Variants in STK32B observed in about 807,000 individuals in gnomAD.
STK32B encodes serine/threonine-protein kinase 32B.
Under a neutral mutation model 52.6 loss-of-function variants are expected in STK32B, and 43 were observed. The observed-to-expected ratio is 0.82, with a 90% CI of 0.64 to 1.05. The LOEUF (loss-of-function observed/expected upper bound fraction) is 1.05, where lower values mean the gene tolerates loss of function less well. Among genes scored for constraint, STK32B ranks in the 50% least tolerant of loss-of-function variants. The pLI, the probability that STK32B is intolerant of heterozygous loss-of-function variation, is 0.00. For synonymous variants in STK32B, 238 were observed against 204.3 expected (o/e 1.17, Z -1.41); for missense variants, 621 against 534.6 (o/e 1.16, Z -1.59).
At chr4:5,062,919 G>A (rs908097434) in intron 1 of STK32B, among the ~76,000 whole-genome samples, 2 of 152,198 alleles carry the variant, frequency 1.3e-5, no homozygotes, top group African/African-American at 4.8e-5. Flanking sequence ...TTGCTGCTGT[G>A]AGTAGCTGCC....
chr4:5,222,400 T>C (rs1409318201), intron 3 of STK32B, among the ~76,000 whole-genome samples: 2 of 152,116 alleles, frequency 1.3e-5, no homozygotes, highest in Non-Finnish European at 2.9e-5. Flanking sequence ...GGGCTCAGAA[T>C]AAGAGAAAAA....
chr4:5,368,124 C>G (rs1424247372), intron 4 of STK32B, among the ~76,000 whole-genome samples: 1 of 151,934 alleles, frequency 6.6e-6, no homozygotes, highest in East Asian at 2.0e-4. Context: ...AAAGCAAAAC[C>G]CATGTTCGTC....
chr4:5,398,235 G>A lies in STK32B; in HGVS notation c.463G>A (p.Asp155Asn). ...RDIKPDNILLDEHGHVHITDF... is the reference protein window; with the variant it reads ...RDIKPDNILLNEHGHVHITDF... ...CATCAAGCCAGACAATATCCTGCTG[G>A]ATGAACACGGTAAGCCTGCTACTAA... The change falls in exon 5 of 12, where the codon GAT (aspartate) becomes AAT (asparagine). Residue 155 changes from aspartate (D) to asparagine (N), a missense_variant. Asp to Asn is a conservative substitution (Grantham distance 23). Coordinates refer to ENST00000282908, the MANE Select transcript of STK32B (RefSeq NM_018401.3). The surrounding 1 kb of genome is among the most constrained non-coding windows in gnomAD (Gnocchi z 4.9). 1 of 1,614,086 alleles carries A rather than the reference G, an allele frequency of 6.2e-7. No individual in the cohort carries two copies. Among genetic ancestry groups the A allele is most frequent in the Non-Finnish European group, 8.5e-7 (1 of 1,180,004 alleles).
intron 8 of STK32B, among the ~76,000 whole-genome samples, chr4:5,457,218 T>TC (rs1208424450): frequency 2.0e-5 from 3 of 147,918 alleles, no homozygotes; most frequent in South Asian, 2.2e-4. Flanking sequence ...TTTTCTTTTT[T>TC]TTTTTTTTTT....
At chr4:5,269,357 T>C (rs1001959270) in intron 3 of STK32B, among the ~76,000 whole-genome samples, 3 of 152,158 alleles carry the variant, frequency 2.0e-5, no homozygotes, top group African/African-American at 7.2e-5. Context: ...TTAGATTAAG[T>C]ATTACTCCTG....
chr4:5,192,532 T>TCCATCA (rs1235799444), intron 3 of STK32B, among the ~76,000 whole-genome samples: 4 of 152,226 alleles, frequency 2.6e-5, no homozygotes, highest in Non-Finnish European at 4.4e-5. Flanking sequence ...TCAGTTTAAA[T>TCCATCA]GTGATCACAA....
intron 3 of STK32B, among the ~76,000 whole-genome samples, chr4:5,281,507 A>C (rs1029907903): frequency 6.6e-6 from 1 of 152,194 alleles, no homozygotes; most frequent in Admixed American, 6.5e-5. Flanking sequence ...CCTAAACCCT[A>C]GATTACAGGT....
chr4:5,319,662 C>G (rs1326090232), intron 3 of STK32B, among the ~76,000 whole-genome samples: 1 of 152,212 alleles, frequency 6.6e-6, no homozygotes, highest in Non-Finnish European at 1.5e-5. Context: ...TCCTTGCTCT[C>G]TGCTCCTCTC....
chr4:5,295,254 T>C (rs1560293166), intron 3 of STK32B, among the ~76,000 whole-genome samples: 2 of 152,166 alleles, frequency 1.3e-5, no homozygotes, highest in Admixed American at 6.6e-5. Context: ...TTGTTGTGTC[T>C]CTGCCAGGTT....
intron 3 of STK32B, among the ~76,000 whole-genome samples, chr4:5,281,481 C>A (rs931934116): frequency 6.6e-6 from 1 of 152,114 alleles, no homozygotes; most frequent in Admixed American, 6.6e-5. Flanking sequence ...AGGACAAATA[C>A]CTAATGCGTG....
chr4:5,287,084 C>T (rs1250832282), intron 3 of STK32B, among the ~76,000 whole-genome samples: 3 of 152,142 alleles, frequency 2.0e-5, no homozygotes, highest in African/African-American at 7.2e-5. Context: ...GCATGAGCCA[C>T]CGCGCCCAGC....
chr4:5,393,859 C>A lies in STK32B; in HGVS notation c.435-4348C>A, dbSNP rs141241256. 6.6e-5 allele frequency among the ~76,000 whole-genome samples: 10 copies of A among 152,192 alleles called. 1 individual carries two copies. In the South Asian group the frequency reaches 8.3e-4, roughly 13 times the overall value. ...TGGCCAGCAAGAGGCAGACTCAGGA[C>A]TGGATCTCAAGTCTCTCTTCTCTGT... On this transcript the variant is annotated intron_variant, in intron 4 of 11. Transcript: ENST00000282908.
intron 3 of STK32B, among the ~76,000 whole-genome samples, chr4:5,312,790 G>A (rs995474044): frequency 1.3e-5 from 2 of 151,852 alleles, no homozygotes; most frequent in Admixed American, 6.6e-5. Flanking sequence ...ATAGTCCTTT[G>A]GGTATATACC....
At chr4:5,164,303 A>G (rs1032898290) in intron 2 of STK32B, among the ~76,000 whole-genome samples, 1 of 152,004 alleles carries the variant, frequency 6.6e-6, no homozygotes, top group Non-Finnish European at 1.5e-5. Context: ...TGGCTTGTAG[A>G]TTCATCACTC....
intron 2 of STK32B, among the ~76,000 whole-genome samples, chr4:5,146,385 G>A (rs6852342): frequency 0.39 from 58,537 of 151,996 alleles, 11,702 homozygotes; most frequent in East Asian, 0.64. Context: ...TCCAAAAGCC[G>A]AAGAATTTGA....
the STK32B span, among the ~76,000 whole-genome samples, chr4:5,035,834 T>G: frequency 6.6e-6 from 1 of 150,656 alleles, no homozygotes; most frequent in Non-Finnish European, 1.5e-5. Flanking sequence ...CAGGCTGGAG[T>G]GCAGTGGCGC....
intron 3 of STK32B, among the ~76,000 whole-genome samples, chr4:5,305,878 T>A (rs1300120971): frequency 6.6e-6 from 1 of 152,148 alleles, no homozygotes; most frequent in Non-Finnish European, 1.5e-5. Context: ...TTTTGCTGTA[T>A]CTCAAAGGTT....
intron 3 of STK32B, among the ~76,000 whole-genome samples, chr4:5,177,844 G>C (rs1268287858): frequency 1.3e-5 from 2 of 152,200 alleles, no homozygotes; most frequent in South Asian, 2.1e-4. Context: ...TCATGATGAT[G>C]CAAGAGTTGG....
intron 4 of STK32B, among the ~76,000 whole-genome samples, chr4:5,379,277 C>A (rs1330701796): frequency 6.6e-6 from 1 of 152,128 alleles, no homozygotes; most frequent in African/African-American, 2.4e-5. Flanking sequence ...CTTTCCAGAA[C>A]TTTCACCAGG....
Sources: allele counts gnomAD v4.1 joint callset (sites outside exome capture counted in the v4.1 genomes callset), GRCh38; gene constraint gnomAD v4.1.1; non-coding constraint Gnocchi (gnomAD v3.1); transcripts MANE v1.5; gene names NCBI Gene and HGNC (gene_info 2026-07-23, HGNC 2026-07-21).